CMYA5: variants seen among roughly 807,000 people sequenced by gnomAD.
CMYA5 encodes the protein cardiomyopathy-associated protein 5.
Under a neutral mutation model 318.9 loss-of-function variants are expected in CMYA5, and 246 were observed. That is an observed-to-expected ratio of 0.77 (90% confidence interval 0.70 to 0.86). The LOEUF (loss-of-function observed/expected upper bound fraction) is 0.86, where lower values mean the gene tolerates loss of function less well. Ranked by LOEUF, CMYA5 falls within the 40% of genes least tolerant of loss-of-function variation. The pLI, the probability that CMYA5 is intolerant of heterozygous loss-of-function variation, is 0.00. For synonymous variants in CMYA5, 1,641 were observed against 1,729.5 expected (o/e 0.95, Z 1.27); for missense variants, 4,589 against 4,678.2 (o/e 0.98, Z 0.56).
At position 79,732,307 on chromosome 5, in the gene CMYA5, A is replaced by G. The variant is rs774562450; in HGVS notation, c.3542A>G (p.Lys1181Arg). The change falls in exon 2 of 13, where the codon AAG becomes AGG. Residue 1181 changes from lysine (K) to arginine (R), a missense_variant. Coordinates refer to ENST00000446378, the MANE Select transcript of CMYA5 (RefSeq NM_153610.5). ...SVLPDSVPAI[K>R]KEQEPTAALT... ...TTACCTGATTCAGTCCCTGCAATCA[A>G]GAAAGAACAGGAACCCACAGCAGCA... The G allele has an allele frequency of 2.5e-6, 4 of 1,613,890 alleles. No individual in the cohort carries two copies. Among genetic ancestry groups the G allele is most frequent in the Non-Finnish European group, 3.4e-6 (4 of 1,179,860 alleles).
At chr5:79,742,005 A>T (rs1449179390) in intron 2 of CMYA5, among the ~76,000 whole-genome samples, 1 of 151,004 alleles carries the variant, frequency 6.6e-6, no homozygotes, top group African/African-American at 2.4e-5. Context: ...TCCTCCTCCT[A>T]CTGCTCCTTT....
intron 2 of CMYA5, among the ~76,000 whole-genome samples, chr5:79,743,122 C>T (rs574573626): frequency 1.8e-4 from 27 of 152,188 alleles, no homozygotes; most frequent in Non-Finnish European, 3.8e-4. Context: ...TGTTGTATCT[C>T]CATCAGTCTG....
chr5:79,756,367 CCT>C (rs147460900), intron 6 of CMYA5, among the ~76,000 whole-genome samples: 8,068 of 152,172 alleles, frequency 0.053, 423 homozygotes, highest in East Asian at 0.29. Flanking sequence ...CTGCCTTGCC[CCT>C]CTGTTTCCTG....
chr5:79,792,879 C>T (rs549989677), intron 11 of CMYA5, among the ~76,000 whole-genome samples: 1 of 152,356 alleles, frequency 6.6e-6, no homozygotes, highest in Non-Finnish European at 1.5e-5. Flanking sequence ...ATCTTGCAGA[C>T]TGTTGACCGC....
At chr5:79,699,859 A>G (rs1052741096) in intron 1 of CMYA5, among the ~76,000 whole-genome samples, 2 of 152,228 alleles carry the variant, frequency 1.3e-5, no homozygotes, top group African/African-American at 2.4e-5. Context: ...AAAGCATCTG[A>G]TAGAGTTAGG....
intron 1 of CMYA5, among the ~76,000 whole-genome samples, chr5:79,722,408 G>C (rs546078594): frequency 6.6e-5 from 10 of 152,138 alleles, no homozygotes; most frequent in Admixed American, 1.3e-4. Flanking sequence ...TATGTGCAGT[G>C]GCTCATGCAT....
In CMYA5 at chr5:79,732,573, A is replaced by T. The variant is rs1391943741; in HGVS notation, c.3808A>T (p.Lys1270Ter). The stretch of plus-strand genomic sequence containing the variant: ...TGTGACTTCTGAACTAGAACAGAGA[A>T]AGTTGTCCAAGAATGAGCCTGAAGT... Reference protein sequence around the residue: ...LNVTSELEQRKLSKNEPEVIK... With the variant: ...LNVTSELEQR The change falls in exon 2 of 13, where the codon AAG (lysine) becomes TAG (stop). Residue 1270 changes from lysine (K) to a stop codon, truncating the protein, a stop_gained. Coordinates refer to ENST00000446378, the MANE Select transcript of CMYA5 (RefSeq NM_153610.5). LOFTEE classifies it high-confidence loss of function. The T allele has an allele frequency of 6.2e-7, 1 of 1,612,998 alleles. No homozygotes were observed. The highest frequency in any genetic ancestry group is 1.3e-5 in the African/African-American group (1 of 75,046).
At chr5:79,790,220 G>A (rs1829151419) in intron 10 of CMYA5, among the ~76,000 whole-genome samples, 1 of 152,140 alleles carries the variant, frequency 6.6e-6, no homozygotes, top group Non-Finnish European at 1.5e-5. Flanking sequence ...CCAATATGGT[G>A]CCTGTCCTTC....
chr5:79,709,100 A>G (rs1827330329), intron 1 of CMYA5, among the ~76,000 whole-genome samples: 1 of 152,214 alleles, frequency 6.6e-6, no homozygotes, highest in Admixed American at 6.5e-5. Context: ...AACAGGTATC[A>G]AGGCAGGGCT....
chr5:79,723,162 CG>C (rs753386100), intron 1 of CMYA5, among the ~76,000 whole-genome samples: 57 of 152,002 alleles, frequency 3.7e-4, no homozygotes, highest in Admixed American at 1.3e-4. Flanking sequence ...TTACATAGGC[CG>C]GGTGCAGTGG....
At chr5:79,705,700 G>A (rs1359102773) in intron 1 of CMYA5, among the ~76,000 whole-genome samples, 1 of 152,092 alleles carries the variant, frequency 6.6e-6, no homozygotes, top group Non-Finnish European at 1.5e-5. Flanking sequence ...AAAAAGTCTT[G>A]ATCAATTTCA....
intron 6 of CMYA5, 50 bp downstream of exon 6, chr5:79,752,844 CTTGT>C (rs1561219634): frequency 3.7e-6 from 5 of 1,367,872 alleles, no homozygotes; most frequent in South Asian, 2.4e-5. Flanking sequence ...GCAGTTTTTG[CTTGT>C]TTGTTTTGTA....
chr5:79,797,446 G>A (rs891767587), intron 12 of CMYA5, among the ~76,000 whole-genome samples: 7 of 152,146 alleles, frequency 4.6e-5, no homozygotes, highest in African/African-American at 1.4e-4. Context: ...AGTGACAAAG[G>A]CAATGACTTT....
At position 79,791,066 on chromosome 5, in the gene CMYA5, C is replaced by T. The variant is rs965372503; in HGVS notation, c.11786C>T (p.Thr3929Met). The T allele has an allele frequency of 8.7e-6, 14 of 1,609,914 alleles. No homozygotes were observed. Among genetic ancestry groups the T allele is most frequent in the East Asian group, 4.5e-5 (2 of 44,858 alleles). ...AGCTTTGGTGAGAGGAGACGGCTGACGGAGTAAGTAGAAGAAGAAAGCACA... is the reference window on the plus strand; with the variant it reads ...AGCTTTGGTGAGAGGAGACGGCTGATGGAGTAAGTAGAAGAAGAAAGCACA... ...VISFGERRRL[T>M]EIPSVLGEEL... The change falls in exon 11 of 13, where the codon ACG becomes ATG. Residue 3929 changes from threonine (T) to methionine (M), a missense_variant. Transcript: ENST00000446378.
At chr5:79,693,952 G>A (rs964322201) in intron 1 of CMYA5, among the ~76,000 whole-genome samples, 1 of 152,228 alleles carries the variant, frequency 6.6e-6, no homozygotes, top group African/African-American at 2.4e-5. Flanking sequence ...CCTCTCTGAT[G>A]AGGTGACATT....
chr5:79,718,585 A>C (rs1280824815), intron 1 of CMYA5, among the ~76,000 whole-genome samples: 8 of 152,298 alleles, frequency 5.3e-5, no homozygotes, highest in Non-Finnish European at 1.2e-4. Flanking sequence ...ATGCAAATCT[A>C]AGGTATTTTT....
Position 79,752,595 on chromosome 5 carries a change from C to A in CMYA5, c.10992-81C>A. 4 of 989,738 alleles carry A rather than the reference C, an allele frequency of 4.0e-6. No individual in the cohort carries two copies. The South Asian group carries it at 4.7e-5, about 12-fold the overall frequency. The allele number at this position is 989,738 out of a possible 1,614,324, so 61.3% of individuals were successfully genotyped here. On this transcript the variant is annotated intron_variant, in intron 5 of 12. Coordinates refer to ENST00000446378, the MANE Select transcript of CMYA5 (RefSeq NM_153610.5). ...TGCAAACCACCACTACCAACACCAG[C>A]TTCATTTTGAACAATTTTTTTCACT...
intron 1 of CMYA5, among the ~76,000 whole-genome samples, chr5:79,727,464 GA>G (rs1212148333): frequency 6.6e-6 from 1 of 152,174 alleles, no homozygotes; most frequent in African/African-American, 2.4e-5. Context: ...TCTAACTGTA[GA>G]TTTTTTTTCA....
chr5:79,791,307 T>G (rs1301338113), intron 11 of CMYA5, among the ~76,000 whole-genome samples: 4 of 152,192 alleles, frequency 2.6e-5, no homozygotes, highest in African/African-American at 9.6e-5. Context: ...ACAGATGGTT[T>G]GGTTAAAACA....
Sources: allele counts gnomAD v4.1 joint callset (sites outside exome capture counted in the v4.1 genomes callset), GRCh38; gene constraint gnomAD v4.1.1; transcripts MANE v1.5; gene names NCBI Gene and HGNC (gene_info 2026-07-23, HGNC 2026-07-21).